The following LRP1B variants were observed in gnomAD, a reference collection of about 807,000 sequenced individuals.
The protein encoded by LRP1B is LDL receptor related protein 1B.
Under a neutral mutation model 556.6 loss-of-function variants are expected in LRP1B, and 217 were observed. The observed-to-expected ratio is 0.39, with a 90% CI of 0.35 to 0.44. The LOEUF (loss-of-function observed/expected upper bound fraction) is 0.44. Ranked by LOEUF, LRP1B falls within the 20% of genes least tolerant of loss-of-function variation. The pLI is 1.00. For missense variants in LRP1B, 5,053 were observed against 5,620.8 expected (o/e 0.90, Z 3.23); for synonymous variants, 2,047 against 1,865.8 (o/e 1.10, Z -2.50).
At chr2:140,891,430 C>T (rs1337008372) in intron 23 of LRP1B, among the ~76,000 whole-genome samples, 1 of 152,052 alleles carries the variant, frequency 6.6e-6, no homozygotes, top group African/African-American at 2.4e-5. Context: ...GATTCTTTAC[C>T]ATATATATGA....
intron 2 of LRP1B, among the ~76,000 whole-genome samples, chr2:141,490,370 CGT>C (rs767310378): frequency 3.2e-4 from 39 of 121,298 alleles, no homozygotes; most frequent in South Asian, 7.0e-4. Context: ...AAAATAGCCT[CGT>C]GTGTGTGTGT....
At chr2:140,357,848 G>T in intron 74 of LRP1B, 131 bp downstream of exon 74, 2 of 1,046,432 alleles carry the variant, frequency 1.9e-6, no homozygotes, top group Non-Finnish European at 2.7e-6. Context: ...CTTTGGCAAA[G>T]GTTTTTGAAA....
At chr2:141,967,494 C>A (rs773758727) in intron 1 of LRP1B, among the ~76,000 whole-genome samples, 6 of 151,756 alleles carry the variant, frequency 4.0e-5, no homozygotes, top group Non-Finnish European at 8.8e-5. Context: ...TATTTCTTAT[C>A]GAAGTGCTAG....
chr2:141,125,714 C>A (rs994498844), intron 7 of LRP1B, among the ~76,000 whole-genome samples: 16 of 152,036 alleles, frequency 1.1e-4, no homozygotes, highest in African/African-American at 3.6e-4. Context: ...TAAATATCTT[C>A]TCTCTGTGTA....
chr2:141,029,166 G>A lies in LRP1B; in HGVS notation c.1790-9064C>T, dbSNP rs898378408. 2.0e-5 allele frequency among the ~76,000 whole-genome samples: 3 copies of A among 152,226 alleles called. No homozygotes were observed. The East Asian group carries it at 5.8e-4, about 29-fold the overall frequency. ...GATGAAAAGAGGATATTGGAGAAGA[G>A]TTACAGGGCTATTATAGGTTAAATA... On this transcript the variant is annotated intron_variant, in intron 11 of 90. Transcript: ENST00000389484.
chr2:142,017,871 AC>A lies in LRP1B; in HGVS notation c.82+112776del, dbSNP rs1292438745. ...ACTCCAGCCTGGGCAACAGAGCGAG[AC>A]CTTGTCTCAAAAAAGTTTTTGTAAA... On this transcript the variant is annotated intron_variant, in intron 1 of 90. Transcript: ENST00000389484. Among the ~76,000 whole-genome samples the A allele has an allele frequency of 2.0e-5, 3 of 151,824 alleles. No individual in the cohort carries two copies. In the East Asian group the frequency reaches 5.8e-4, roughly 29 times the overall value.
chr2:142,022,268 A>T (rs1703351740), intron 1 of LRP1B, among the ~76,000 whole-genome samples: 1 of 151,448 alleles, frequency 6.6e-6, no homozygotes. Context: ...GAGCTCTTAA[A>T]ACATAATGTT....
chr2:142,115,728 A>T (rs12620891), intron 1 of LRP1B, among the ~76,000 whole-genome samples: 1,694 of 3,190 alleles, frequency 0.53, 717 homozygotes, highest in East Asian at 0.81. Context: ...ATATATATAT[A>T]ATATATATGT....
rs146757681 is a variant in LRP1B at position 140,821,966 on chromosome 2, T to A, written c.5210-8160A>T. On this transcript the variant is annotated intron_variant, in intron 31 of 90. Transcript: ENST00000389484. ...AGTGAGACAAGTTGTGCCACTGCAC[T>A]CCAGCCTGGGCGACAGAGTGAGACT... Among the ~76,000 whole-genome samples, 664 of 149,290 alleles carry A rather than the reference T, an allele frequency of 4.4e-3. 9 individuals carry two copies. Among genetic ancestry groups the A allele is most frequent in the African/African-American group, 0.015 (604 of 40,382 alleles).
chr2:140,755,234 A>G (rs576330483), intron 35 of LRP1B, among the ~76,000 whole-genome samples: 19 of 152,186 alleles, frequency 1.2e-4, no homozygotes, highest in Non-Finnish European at 2.1e-4. Context: ...TTTCTAGCAA[A>G]GATTTTCAGA....
chr2:141,467,012 T>C (rs952815467), intron 3 of LRP1B, among the ~76,000 whole-genome samples: 7 of 149,368 alleles, frequency 4.7e-5, no homozygotes, highest in Non-Finnish European at 1.0e-4. Flanking sequence ...TATGGACATT[T>C]ATCTAGGTAT....
chr2:141,228,582 AGT>A (rs3063860), intron 6 of LRP1B, among the ~76,000 whole-genome samples: 12,410 of 146,324 alleles, frequency 0.085, 622 homozygotes, highest in East Asian at 0.15. Context: ...TGTGTGTATG[AGT>A]GTGTGTGTGT....
intron 87 of LRP1B, among the ~76,000 whole-genome samples, chr2:140,241,433 TTTA>T (rs1470462779): frequency 6.6e-6 from 1 of 150,890 alleles, no homozygotes; most frequent in African/African-American, 2.4e-5. Context: ...GTATATAAAA[TTTA>T]TTTTCTCTCA....
chr2:141,988,019 A>C (rs967496586), intron 1 of LRP1B, among the ~76,000 whole-genome samples: 1 of 151,936 alleles, frequency 6.6e-6, no homozygotes, highest in African/African-American at 2.4e-5. Flanking sequence ...AGAGTAAATC[A>C]GATCAATGTC....
intron 3 of LRP1B, among the ~76,000 whole-genome samples, chr2:141,372,529 A>C (rs1689266166): frequency 2.0e-5 from 3 of 151,888 alleles, no homozygotes; most frequent in Admixed American, 6.6e-5. Flanking sequence ...TTAGGGGTTA[A>C]GGGGAGGATT....
intron 59 of LRP1B, among the ~76,000 whole-genome samples, chr2:140,478,350 C>T (rs559924503): frequency 4.5e-4 from 68 of 151,860 alleles, no homozygotes; most frequent in African/African-American, 1.5e-3. Flanking sequence ...GGGGTTTCAC[C>T]GTGTTAGCCA....
chr2:142,095,755 A>G (rs1301797685), intron 1 of LRP1B, among the ~76,000 whole-genome samples: 1 of 151,782 alleles, frequency 6.6e-6, no homozygotes, highest in Non-Finnish European at 1.5e-5. Context: ...AATGTTTAAT[A>G]TATGCAATGC....
At chr2:142,128,646 A>G (rs1372695910) in intron 1 of LRP1B, among the ~76,000 whole-genome samples, 2 of 152,194 alleles carry the variant, frequency 1.3e-5, no homozygotes, top group Non-Finnish European at 2.9e-5. Context: ...TGTTAAATAT[A>G]TAATAGTGGC....
chr2:140,373,013 T>C lies in LRP1B; in HGVS notation c.10763A>G (p.Glu3588Gly). Reference sequence around the variant, plus strand: ...TATTACTTCAATCCTTTTACCTGGCTCACAGCTTTTCTCATCTTCCCCATA... The same window carrying C: ...TATTACTTCAATCCTTTTACCTGGCCCACAGCTTTTCTCATCTTCCCCATA... Reference protein sequence around the residue: ...CKYGEDEKSCEPASPTCSSRE... With the variant: ...CKYGEDEKSCGPASPTCSSRE... The change falls in exon 69 of 91, where the codon GAG becomes GGG. Residue 3588 changes from glutamate to glycine, a missense_variant. Glu to Gly is a moderately conservative substitution (Grantham distance 98). Around this residue, in one of 5 missense-constraint regions of LRP1B, gnomAD observed 599 missense variants for 648.4 expected, o/e 0.92. Coordinates refer to ENST00000389484, the MANE Select transcript of LRP1B (RefSeq NM_018557.3). The C allele has an allele frequency of 6.2e-7, 1 of 1,613,210 alleles. No individual in the cohort carries two copies. The highest frequency in any genetic ancestry group is 8.5e-7 in the Non-Finnish European group (1 of 1,179,534).
Sources: allele counts gnomAD v4.1 joint callset (sites outside exome capture counted in the v4.1 genomes callset), GRCh38; gene constraint gnomAD v4.1.1; regional missense constraint gnomAD v4.1.1; transcripts MANE v1.5; gene names NCBI Gene and HGNC (gene_info 2026-07-23, HGNC 2026-07-21).